Variants in TMEM132B observed in about 807,000 individuals in gnomAD.
The protein encoded by TMEM132B is transmembrane protein 132B.
In TMEM132B, 18 loss-of-function variants were observed where a neutral mutation model predicts 90.8. The observed-to-expected ratio is 0.20, with a 90% CI of 0.14 to 0.29. TMEM132B has a LOEUF of 0.29. TMEM132B is among the 10% of genes least tolerant of loss of function. The pLI, the probability that TMEM132B is intolerant of heterozygous loss-of-function variation, is 1.00. For missense variants in TMEM132B, 1,096 were observed against 1,326.8 expected, an observed-to-expected ratio of 0.83 and a Z score of 2.70; for synonymous variants, 504 against 523.3, an observed-to-expected ratio of 0.96 and a Z score of 0.50.
At chr12:125,579,497 G>C (rs1885005804) in intron 4 of TMEM132B, among the ~76,000 whole-genome samples, 1 of 151,708 alleles carries the variant, frequency 6.6e-6, no homozygotes, top group Non-Finnish European at 1.5e-5. Context: ...AAGTAGCTGG[G>C]ATTACAGGTG....
Position 125,519,669 on chromosome 12 carries a change from T to C in TMEM132B, c.1293+44T>C, listed in dbSNP as rs1437980169. 3.1e-6 allele frequency: 5 copies of C among 1,597,480 alleles called. No individual in the cohort carries two copies. In the East Asian group the frequency reaches 8.9e-5, roughly 29 times the overall value. On this transcript the variant is annotated intron_variant, in intron 4 of 8. Transcript: ENST00000682704. The stretch of plus-strand genomic sequence containing the variant: ...TCAGAGGAAGTGTCACAAAGAAGTT[T>C]TCTTTAAACATGATGCACTGTATAA...
At chr12:125,201,598 CAGCAGGCT>C (rs1471692859) in intron 1 of TMEM132B, among the ~76,000 whole-genome samples, 2 of 152,248 alleles carry the variant, frequency 1.3e-5, no homozygotes, top group African/African-American at 4.8e-5. Context: ...TGAACTTAGG[CAGCAGGCT>C]GCCTGGGTTT....
At chr12:125,287,405 C>A (rs1875392430) in intron 1 of TMEM132B, among the ~76,000 whole-genome samples, 1 of 152,150 alleles carries the variant, frequency 6.6e-6, no homozygotes, top group African/African-American at 2.4e-5. Flanking sequence ...GCATTTAATT[C>A]TGTCTACTAC....
chr12:125,586,850 T>A (rs1396276549), intron 5 of TMEM132B: 1 of 152,130 alleles, frequency 6.6e-6, no homozygotes, highest in Non-Finnish European at 1.5e-5. Context: ...AGTTCTTGAC[T>A]TAATAAGGAA....
chr12:125,364,604 A>G (rs916707826), intron 2 of TMEM132B, among the ~76,000 whole-genome samples: 2 of 152,156 alleles, frequency 1.3e-5, no homozygotes, highest in African/African-American at 4.8e-5. Flanking sequence ...GAGAATTACC[A>G]TTGTAACAAT....
intron 2 of TMEM132B, among the ~76,000 whole-genome samples, chr12:125,405,894 C>T (rs566701338): frequency 1.8e-4 from 27 of 152,290 alleles, no homozygotes; most frequent in Middle Eastern, 3.4e-3. Flanking sequence ...TCCTGAGTGG[C>T]GCTAGGATGC....
chr12:125,548,354 A>G (rs936295272), intron 4 of TMEM132B, among the ~76,000 whole-genome samples: 1 of 152,228 alleles, frequency 6.6e-6, no homozygotes, highest in Non-Finnish European at 1.5e-5. Flanking sequence ...TTGGTGGCCA[A>G]AAATTGATAT....
At chr12:125,270,125 TG>T (rs1874798747) in intron 1 of TMEM132B, among the ~76,000 whole-genome samples, 1 of 151,080 alleles carries the variant, frequency 6.6e-6, no homozygotes, top group Non-Finnish European at 1.5e-5. Flanking sequence ...TGTGTGTGTG[TG>T]TGTGTGTGTG....
intron 5 of TMEM132B, among the ~76,000 whole-genome samples, chr12:125,617,658 A>T (rs1360491321): frequency 6.6e-6 from 1 of 152,158 alleles, no homozygotes; most frequent in Admixed American, 6.5e-5. Flanking sequence ...ACTGCCTCTT[A>T]CATGATATTT....
At chr12:125,523,910 T>C (rs1883377839) in intron 4 of TMEM132B, among the ~76,000 whole-genome samples, 1 of 152,196 alleles carries the variant, frequency 6.6e-6, no homozygotes, top group Non-Finnish European at 1.5e-5. Flanking sequence ...GAGCAGAGCT[T>C]CCAGAGCACC....
At chr12:125,539,440 C>T (rs1049847838) in intron 4 of TMEM132B, among the ~76,000 whole-genome samples, 6 of 152,222 alleles carry the variant, frequency 3.9e-5, no homozygotes, top group Non-Finnish European at 8.8e-5. Context: ...ATGGTGCTGT[C>T]TCTCAGTGAC....
At chr12:125,514,478 T>G (rs1005397480) in intron 3 of TMEM132B, among the ~76,000 whole-genome samples, 12 of 152,194 alleles carry the variant, frequency 7.9e-5, no homozygotes, top group African/African-American at 2.9e-4. Context: ...GTAGTTTACC[T>G]TGCTTTTTGG....
At chr12:125,397,753 T>C (rs1879208486) in intron 2 of TMEM132B, among the ~76,000 whole-genome samples, 1 of 152,192 alleles carries the variant, frequency 6.6e-6, no homozygotes, top group African/African-American at 2.4e-5. Context: ...TTAGATGTGA[T>C]CTGAAGGAGG....
At chr12:125,371,540 T>C (rs1195223146) in intron 2 of TMEM132B, among the ~76,000 whole-genome samples, 1 of 152,198 alleles carries the variant, frequency 6.6e-6, no homozygotes, top group Non-Finnish European at 1.5e-5. Context: ...TCTGTGTACC[T>C]TGTGGGTTTC....
intron 2 of TMEM132B, among the ~76,000 whole-genome samples, chr12:125,356,744 A>G (rs77664138): frequency 0.047 from 7,154 of 152,116 alleles, 517 homozygotes; most frequent in African/African-American, 0.15. Context: ...ATCTCCCATG[A>G]CTTTTCCTCT....
At chr12:125,297,700 A>G (rs1321715338) in intron 1 of TMEM132B, among the ~76,000 whole-genome samples, 2 of 152,178 alleles carry the variant, frequency 1.3e-5, no homozygotes, top group Non-Finnish European at 2.9e-5. Flanking sequence ...GGCCAAGCAG[A>G]CTGCTGGTGC....
intron 1 of TMEM132B, among the ~76,000 whole-genome samples, chr12:125,286,774 G>A (rs1453252211): frequency 6.6e-6 from 1 of 151,952 alleles, no homozygotes; most frequent in East Asian, 1.9e-4. Flanking sequence ...GACAATCTTG[G>A]CTCACTGCAA....
In TMEM132B at chr12:125,352,101, G is replaced by A. The variant is rs118053008; in HGVS notation, c.959+1758G>A. Reference sequence around the variant, plus strand: ...AAATACAACTGTTCTAGAACTCTGCGTTCTAGACTGTGAGGTTCAAGTGCT... The same window carrying A: ...AAATACAACTGTTCTAGAACTCTGCATTCTAGACTGTGAGGTTCAAGTGCT... On this transcript the variant is annotated intron_variant, in intron 2 of 8. Coordinates refer to ENST00000682704, the MANE Select transcript of TMEM132B (RefSeq NM_001366854.1). Among the ~76,000 whole-genome samples, 204 of 152,262 alleles carry A rather than the reference G, an allele frequency of 1.3e-3. 3 individuals carry two copies. The East Asian group carries it at 0.028, about 21-fold the overall frequency.
chr12:125,360,344 C>T (rs915070863), intron 2 of TMEM132B, among the ~76,000 whole-genome samples: 2 of 152,196 alleles, frequency 1.3e-5, no homozygotes, highest in Non-Finnish European at 2.9e-5. Flanking sequence ...AACACTGTTT[C>T]AAAACAGTCT....
Sources: allele counts gnomAD v4.1 joint callset (sites outside exome capture counted in the v4.1 genomes callset), GRCh38; gene constraint gnomAD v4.1.1; transcripts MANE v1.5; gene names NCBI Gene and HGNC (gene_info 2026-07-23, HGNC 2026-07-21).